SNX29: variants seen among roughly 807,000 people sequenced by gnomAD.
The protein encoded by SNX29 is sorting nexin-29.
SNX29 carries 78 observed loss-of-function variants against 102.1 expected under a neutral mutation model. The ratio of observed to expected loss-of-function variants is 0.76; its 90% CI spans 0.64 to 0.92. The LOEUF is 0.92. Ranked by LOEUF, SNX29 falls within the 40% of genes least tolerant of loss-of-function variation. The probability of loss-of-function intolerance (pLI) is 0.00; values close to 1 mark genes in which losing one functional copy is unlikely to be tolerated. For synonymous variants in SNX29, 580 were observed against 414.5 expected, an observed-to-expected ratio of 1.40 and a Z score of -4.85; for missense variants, 1,280 against 1,061.7, an observed-to-expected ratio of 1.21 and a Z score of -2.86.
intron 15 of SNX29, among the ~76,000 whole-genome samples, chr16:12,320,731 GAAC>G (rs2080904794): frequency 6.6e-6 from 1 of 152,146 alleles, no homozygotes; most frequent in Non-Finnish European, 1.5e-5. Context: ...GCCGATAAGA[GAAC>G]AACATCACCA....
At chr16:12,503,828 G>A (rs957776607) in intron 19 of SNX29, among the ~76,000 whole-genome samples, 1 of 152,148 alleles carries the variant, frequency 6.6e-6, no homozygotes, top group Non-Finnish European at 1.5e-5. Flanking sequence ...TCCCAGAAAC[G>A]TCCTAAGATT....
intron 16 of SNX29, among the ~76,000 whole-genome samples, chr16:12,359,712 C>G (rs1379110644): frequency 1.3e-5 from 2 of 152,230 alleles, no homozygotes; most frequent in Non-Finnish European, 2.9e-5. Context: ...CATTACTTCT[C>G]AACTCACATT....
chr16:12,269,003 A>C (rs2079015053), intron 14 of SNX29, among the ~76,000 whole-genome samples: 1 of 152,216 alleles, frequency 6.6e-6, no homozygotes. Context: ...AGTTTAGATG[A>C]CCTGCTGATG....
At chr16:12,481,747 C>T (rs896362972) in intron 19 of SNX29, among the ~76,000 whole-genome samples, 2 of 152,208 alleles carry the variant, frequency 1.3e-5, no homozygotes, top group East Asian at 3.8e-4. Flanking sequence ...GTTGGCCAGG[C>T]TGTTCTCAAA....
intron 20 of SNX29, among the ~76,000 whole-genome samples, chr16:12,551,776 C>T (rs563890844): frequency 3.2e-4 from 49 of 152,264 alleles, no homozygotes; most frequent in Non-Finnish European, 4.7e-4. Context: ...ACCAGGGGCC[C>T]GCTTCAGAAG....
chr16:12,153,566 T>G (rs1313779612), intron 13 of SNX29, among the ~76,000 whole-genome samples: 1 of 151,604 alleles, frequency 6.6e-6, no homozygotes, highest in Non-Finnish European at 1.5e-5. Flanking sequence ...CTCTGCCTCC[T>G]GGGTTCAAGA....
At chr16:12,224,304 C>T (rs571687303) in intron 14 of SNX29, among the ~76,000 whole-genome samples, 1 of 152,154 alleles carries the variant, frequency 6.6e-6, no homozygotes, top group African/African-American at 2.4e-5. Flanking sequence ...CTTTCTCTCT[C>T]CCTCTCAATC....
intron 15 of SNX29, among the ~76,000 whole-genome samples, chr16:12,322,332 G>A (rs569548810): frequency 2.6e-5 from 4 of 152,112 alleles, no homozygotes; most frequent in East Asian, 1.9e-4. Flanking sequence ...AGGGGCTATC[G>A]CAAGAGAGGG....
At chr16:12,051,397 A>G (rs556792658) in intron 7 of SNX29, among the ~76,000 whole-genome samples, 1 of 151,248 alleles carries the variant, frequency 6.6e-6, no homozygotes, top group African/African-American at 2.4e-5. Context: ...AATAGACATC[A>G]CCTCTGGCTG....
intron 15 of SNX29, among the ~76,000 whole-genome samples, chr16:12,296,957 A>G (rs1404199923): frequency 5.9e-5 from 9 of 152,210 alleles, no homozygotes; most frequent in African/African-American, 1.9e-4. Context: ...GTTTCACGGC[A>G]TGCCTGGCTG....
intron 16 of SNX29, among the ~76,000 whole-genome samples, chr16:12,378,329 G>A (rs543746262): frequency 6.6e-6 from 1 of 152,140 alleles, no homozygotes; most frequent in Non-Finnish European, 1.5e-5. Context: ...GGAGGTGCCA[G>A]GTTCTTTAAA....
rs1435419794 is a variant in SNX29 at position 12,243,547 on chromosome 16, C to T, written c.1679-34386C>T. Among the ~76,000 whole-genome samples, 3 of 152,222 alleles carry T rather than the reference C, an allele frequency of 2.0e-5. No individual in the cohort carries two copies. The East Asian group carries it at 5.8e-4, about 29-fold the overall frequency. On this transcript the variant is annotated intron_variant, in intron 14 of 20. Transcript: ENST00000566228. ...GGTTATTCTTGATCTGTTAGGACAG[C>T]AGCCTCCAACCTTTTGGGCAACAGG...
chr16:12,564,305 A>G (rs1443946310), intron 20 of SNX29, among the ~76,000 whole-genome samples: 1 of 152,228 alleles, frequency 6.6e-6, no homozygotes, highest in Admixed American at 6.5e-5. Context: ...GTTGCTGGCT[A>G]GACTTCACTA....
intron 14 of SNX29, among the ~76,000 whole-genome samples, chr16:12,262,268 C>G (rs1488900689): frequency 6.6e-6 from 1 of 152,180 alleles, no homozygotes; most frequent in African/African-American, 2.4e-5. Flanking sequence ...AAGTCTTCCC[C>G]TTGGTTTGAT....
At chr16:12,016,884 T>C (rs1239097874) in intron 3 of SNX29, among the ~76,000 whole-genome samples, 2 of 151,996 alleles carry the variant, frequency 1.3e-5, no homozygotes, top group Non-Finnish European at 2.9e-5. Flanking sequence ...TCTAGCACTT[T>C]GGGAGGCCAG....
chr16:12,231,535 AAAAAAAACAAAAAAC>A (rs1674714046), intron 14 of SNX29, among the ~76,000 whole-genome samples: 1 of 117,630 alleles, frequency 8.5e-6, no homozygotes, highest in Non-Finnish European at 2.2e-5. Flanking sequence ...GCCTTTTTAA[AAAAAAAACAAAAAAC>A]AAAAAACAAA....
intron 11 of SNX29, among the ~76,000 whole-genome samples, chr16:12,116,355 C>T (rs992931025): frequency 6.6e-6 from 1 of 152,188 alleles, no homozygotes; most frequent in Non-Finnish European, 1.5e-5. Context: ...CATATCCATA[C>T]AGTGGAACAT....
At chr16:12,210,989 G>A (rs2077169291) in intron 14 of SNX29, among the ~76,000 whole-genome samples, 2 of 152,158 alleles carry the variant, frequency 1.3e-5, no homozygotes, top group Non-Finnish European at 2.9e-5. Context: ...AGAATTAGAT[G>A]TAAAGTTCCC....
At chr16:12,538,974 A>G (rs2077201435) in intron 20 of SNX29, among the ~76,000 whole-genome samples, 1 of 152,222 alleles carries the variant, frequency 6.6e-6, no homozygotes. Flanking sequence ...AGTGATATAA[A>G]TAGGGAGAAG....
Sources: allele counts gnomAD v4.1 joint callset (sites outside exome capture counted in the v4.1 genomes callset), GRCh38; gene constraint gnomAD v4.1.1; transcripts MANE v1.5; gene names NCBI Gene and HGNC (gene_info 2026-07-23, HGNC 2026-07-21).